AMBN: variants seen among roughly 807,000 people sequenced by gnomAD.
AMBN encodes ameloblastin.
In AMBN, 54 loss-of-function variants were observed where a neutral mutation model predicts 48.0. The observed-to-expected ratio is 1.12, with a 90% CI of 0.90 to 1.41. The LOEUF (loss-of-function observed/expected upper bound fraction) is 1.41. Among genes scored for constraint, AMBN ranks in the 40% most tolerant of loss-of-function variants. The pLI is 0.00. For missense variants in AMBN, 571 were observed against 547.3 expected, an observed-to-expected ratio of 1.04 and a Z score of -0.43; for synonymous variants, 186 against 190.0, an observed-to-expected ratio of 0.98 and a Z score of 0.17.
intron 12 of AMBN, among the ~76,000 whole-genome samples, chr4:70,604,864 G>A (rs952964547): frequency 2.0e-5 from 3 of 151,948 alleles, no homozygotes; most frequent in Admixed American, 6.6e-5. Context: ...TTAGTGGCGC[G>A]AGCCTGTAGT....
At chr4:70,604,989 C>A (rs1377231335) in intron 12 of AMBN, among the ~76,000 whole-genome samples, 3 of 97,708 alleles carry the variant, frequency 3.1e-5, no homozygotes, top group East Asian at 2.5e-4. Context: ...CAAGACCCTG[C>A]CTTAAAAAAA....
chr4:70,605,762 A>G (rs1737627806), intron 12 of AMBN, among the ~76,000 whole-genome samples: 1 of 151,706 alleles, frequency 6.6e-6, no homozygotes, highest in African/African-American at 2.4e-5. Context: ...CCCTAAAAGA[A>G]AAAAAAAGTA....
intron 5 of AMBN, 76 bp from the exon 6 acceptor site, chr4:70,601,342 C>G: frequency 6.8e-7 from 1 of 1,468,390 alleles, no homozygotes; most frequent in Non-Finnish European, 9.4e-7. Flanking sequence ...GCCCCAAGCC[C>G]CTTTGTTTAG....
In AMBN at chr4:70,601,432, G is replaced by T; in HGVS notation, c.309G>T (p.Leu103Phe). Residue 103 changes from leucine to phenylalanine, a missense_variant, in exon 6 of 13, where the codon TTG becomes TTT. Transcript: ENST00000322937. Reference protein sequence around the residue: ...EHETQQYEYSLPVHPPPLPSQ... With the variant: ...EHETQQYEYSFPVHPPPLPSQ... ...TTTCTCTGCAGTATGAATATTCTTTGCCTGTGCATCCCCCACCTCTCCCAT... is the reference window on the plus strand; with the variant it reads ...TTTCTCTGCAGTATGAATATTCTTTTCCTGTGCATCCCCCACCTCTCCCAT... 6.2e-7 allele frequency: 1 copy of T among 1,613,890 alleles called. No individual in the cohort carries two copies. Among genetic ancestry groups the T allele is most frequent in the Non-Finnish European group, 8.5e-7 (1 of 1,179,900 alleles).
At position 70,606,430 on chromosome 4, in the gene AMBN, T is replaced by G. The variant is rs773147077; in HGVS notation, c.1044T>G (p.Ala348=). The change falls in exon 13 of 13, where the codon GCT becomes GCG. Residue 348 remains alanine, a synonymous_variant. Coordinates refer to ENST00000322937, the MANE Select transcript of AMBN (RefSeq NM_016519.6). ...NPAFLTELEP[A]PHAGLLALPK... Reference sequence around the variant, plus strand: ...CTTTCCTTACAGAGCTAGAACCTGCTCCCCACGCAGGGCTCCTTGCTCTCC... The same window carrying G: ...CTTTCCTTACAGAGCTAGAACCTGCGCCCCACGCAGGGCTCCTTGCTCTCC... 2.5e-6 allele frequency: 4 copies of G among 1,613,862 alleles called. No homozygotes were observed. Among genetic ancestry groups the G allele is most frequent in the Non-Finnish European group, 3.4e-6 (4 of 1,179,970 alleles).
chr4:70,596,235 A>G (rs1737382672), intron 2 of AMBN, among the ~76,000 whole-genome samples: 1 of 151,228 alleles, frequency 6.6e-6, no homozygotes, highest in Non-Finnish European at 1.5e-5. Flanking sequence ...AGCCGAGATC[A>G]CGGTACTGCA....
rs746228829 is a variant in AMBN, at chr4:70,598,340, T to A, written c.136-16T>A. On this transcript the variant is annotated splice_polypyrimidine_tract_variant and intron_variant, in intron 3 of 12. Transcript: ENST00000322937. ...GCATATGCGATAAACAGTAACCCAC[T>A]TTTTTTTCTTGATAGACAATGAGAC... is the stretch of plus-strand genomic sequence containing the variant. 5.2e-6 allele frequency: 8 copies of A among 1,544,978 alleles called. No individual in the cohort carries two copies. Among genetic ancestry groups the A allele is most frequent in the Non-Finnish European group, 6.1e-6 (7 of 1,142,962 alleles).
intron 3 of AMBN, among the ~76,000 whole-genome samples, chr4:70,598,103 C>A (rs1737427309): frequency 6.6e-6 from 1 of 152,102 alleles, no homozygotes; most frequent in South Asian, 2.1e-4. Flanking sequence ...TTCAATGTAA[C>A]CTCCACTTAA....
chr4:70,604,016 A>G, intron 12 of AMBN, 95 bp downstream of exon 12: 1 of 1,252,184 alleles, frequency 8.0e-7, no homozygotes, highest in Middle Eastern at 1.9e-4. Flanking sequence ...GAATGTAGCC[A>G]AATGAGCATG....
At chr4:70,594,526 T>C (rs1165536274) in intron 2 of AMBN, among the ~76,000 whole-genome samples, 3 of 152,214 alleles carry the variant, frequency 2.0e-5, no homozygotes, top group African/African-American at 7.2e-5. Flanking sequence ...TTTAATTCCT[T>C]GAAAGAAAAG....
In AMBN at chr4:70,603,900, C is replaced by T. The variant is rs868823352; in HGVS notation, c.777C>T (p.Ile259=). 6.2e-7 allele frequency: 1 copy of T among 1,614,044 alleles called. No homozygotes were observed. Among genetic ancestry groups the T allele is most frequent in the Non-Finnish European group, 8.5e-7 (1 of 1,179,958 alleles). The change falls in exon 12 of 13, where the codon ATC becomes ATT. Residue 259 remains isoleucine (I), a synonymous_variant. Transcript: ENST00000322937. ...AGAATGCCCCTGCCAGACTTGGCATCATGAGTTCAGAAGAAGTGGCAGTGA... is the reference window on the plus strand; with the variant it reads ...AGAATGCCCCTGCCAGACTTGGCATTATGAGTTCAGAAGAAGTGGCAGTGA... ...NQLNAPARLG[I]MSSEEVAGGR...
At position 70,594,824 on chromosome 4, in the gene AMBN, G is replaced by A. The variant is rs78367307; in HGVS notation, c.84+1429G>A. ...CACCTGAATCAATTGGGTCCACTCT[G>A]AGGAACAGAACAATTGCTTATTATT... On this transcript the variant is annotated intron_variant, in intron 2 of 12. Coordinates refer to ENST00000322937, the MANE Select transcript of AMBN (RefSeq NM_016519.6). Among the ~76,000 whole-genome samples the A allele has an allele frequency of 5.4e-3, 830 of 152,304 alleles. 10 individuals are homozygous for A. Among genetic ancestry groups the A allele is most frequent in the Middle Eastern group, 0.014 (4 of 294 alleles).
intron 3 of AMBN, among the ~76,000 whole-genome samples, chr4:70,597,396 C>T (rs1737411372): frequency 6.6e-6 from 1 of 152,020 alleles, no homozygotes; most frequent in Non-Finnish European, 1.5e-5. Context: ...GCTCCTTATA[C>T]TATCTTACAT....
chr4:70,597,831 T>C (rs545698256), intron 3 of AMBN, among the ~76,000 whole-genome samples: 72 of 152,322 alleles, frequency 4.7e-4, no homozygotes, highest in Non-Finnish European at 9.4e-4. Context: ...AAATTGGCAT[T>C]CTGTTGAAAT....
chr4:70,594,982 C>G (rs992185224), intron 2 of AMBN, among the ~76,000 whole-genome samples: 9 of 152,106 alleles, frequency 5.9e-5, no homozygotes, highest in Admixed American at 4.6e-4. Flanking sequence ...GCAAAGTACA[C>G]TTTGTTCTGT....
chr4:70,599,783 A>G (rs1033281764), intron 5 of AMBN, 137 bp downstream of exon 5: 32 of 553,638 alleles, frequency 5.8e-5, no homozygotes, highest in Middle Eastern at 6.1e-4. Context: ...AAATAAATCG[A>G]AGCCTATAAC....
Position 70,602,623 on chromosome 4 carries a change from G to A in AMBN, c.532-1G>A, listed in dbSNP as rs146238585. 6 of 1,564,514 alleles carry A rather than the reference G, an allele frequency of 3.8e-6. No individual in the cohort carries two copies. Among genetic ancestry groups the A allele is most frequent in the East Asian group, 2.3e-5 (1 of 44,054 alleles). ...AATTTTAATATTTATCTGTGATATA[G>A]CTCCCAGGAGTAGATTTTGCTGATC... On this transcript the variant is annotated splice_acceptor_variant, in intron 6 of 12. Transcript: ENST00000322937. LOFTEE classifies it high-confidence loss of function.
At chr4:70,603,574 C>T (rs1336011045) in intron 11 of AMBN, 114 bp downstream of exon 11, 11 of 1,069,280 alleles carry the variant, frequency 1.0e-5, no homozygotes, top group Non-Finnish European at 1.5e-5. Context: ...CTCTGAACAC[C>T]TACATTAGTA....
chr4:70,606,513 C>T lies in AMBN; in HGVS notation c.1127C>T (p.Pro376Leu), dbSNP rs775535240. ...RSPSGKMKGL[P>L]SVTPAAADPL... ...CCTTCAGGGAAGATGAAGGGACTCCCCAGCGTCACCCCAGCAGCTGCTGAC... is the reference window on the plus strand; with the variant it reads ...CCTTCAGGGAAGATGAAGGGACTCCTCAGCGTCACCCCAGCAGCTGCTGAC... Residue 376 changes from proline to leucine, a missense_variant, in exon 13 of 13, where the codon CCC (proline) becomes CTC (leucine). Coordinates refer to ENST00000322937, the MANE Select transcript of AMBN (RefSeq NM_016519.6). 9.9e-6 allele frequency: 16 copies of T among 1,614,076 alleles called. No homozygotes were observed. The highest frequency in any genetic ancestry group is 1.3e-5 in the African/African-American group (1 of 75,038).
Sources: gnomAD v4.1 joint callset for allele counts (sites outside exome capture counted in the v4.1 genomes callset) on GRCh38, gnomAD v4.1.1 for gene constraint, MANE v1.5 for transcripts, NCBI Gene and HGNC (gene_info 2026-07-23, HGNC 2026-07-21) for gene names.